Variants in PRKCZ observed in about 807,000 individuals in gnomAD.
PRKCZ encodes protein kinase C zeta type.
PRKCZ carries 33 observed loss-of-function variants against 79.5 expected under a neutral mutation model. That is an observed-to-expected ratio of 0.41 (90% CI 0.31 to 0.55). The LOEUF is 0.55. Ranked by LOEUF, PRKCZ falls within the 20% of genes least tolerant of loss-of-function variation. PRKCZ has a pLI of 0.19. For synonymous variants in PRKCZ, 342 were observed against 320.9 expected (o/e 1.07, Z -0.70); for missense variants, 578 against 813.5 (o/e 0.71, Z 3.52).
In PRKCZ at chr1:2,096,833, A is replaced by G. The variant is rs138538758; in HGVS notation, c.334+37242A>G. ...GCTCATCCAGACCTCGCTCTGCAAC[A>G]AATCTCCAGCCTGGGTTGCCATGAG... On this transcript the variant is annotated intron_variant, in intron 4 of 17. Transcript: ENST00000378567. Among the ~76,000 whole-genome samples the G allele has an allele frequency of 8.9e-3, 1,354 of 152,300 alleles. 22 individuals carry two copies. The highest frequency in any genetic ancestry group is 0.031 in the African/African-American group (1,276 of 41,570).
chr1:2,138,444 A>G (rs1384631340), intron 5 of PRKCZ, among the ~76,000 whole-genome samples: 1 of 152,172 alleles, frequency 6.6e-6, no homozygotes, highest in Non-Finnish European at 1.5e-5. Flanking sequence ...GTGGCAGGGA[A>G]GCCCACTCAG....
At chr1:2,129,062 C>G (rs1006547752) in intron 4 of PRKCZ, among the ~76,000 whole-genome samples, 1 of 152,158 alleles carries the variant, frequency 6.6e-6, no homozygotes, top group African/African-American at 2.4e-5. Flanking sequence ...TGGGGACCGC[C>G]AGGTCCCCCC....
At chr1:2,120,710 C>T (rs532001325) in intron 4 of PRKCZ, among the ~76,000 whole-genome samples, 14 of 152,190 alleles carry the variant, frequency 9.2e-5, no homozygotes, top group East Asian at 1.9e-4. Context: ...GGTTTTTTCC[C>T]GCTTTGTGCT....
chr1:2,179,354 C>T (rs978562414), intron 16 of PRKCZ, among the ~76,000 whole-genome samples: 17 of 152,206 alleles, frequency 1.1e-4, no homozygotes, highest in Non-Finnish European at 1.9e-4. Context: ...CACGTCCTGG[C>T]CTGGTGGCTG....
intron 4 of PRKCZ, among the ~76,000 whole-genome samples, chr1:2,120,586 G>A (rs1018290842): frequency 5.3e-5 from 8 of 150,962 alleles, no homozygotes; most frequent in African/African-American, 2.0e-4. Flanking sequence ...GTGAGCCACC[G>A]TGCCCGGCCA....
intron 4 of PRKCZ, among the ~76,000 whole-genome samples, chr1:2,067,843 T>A (rs1409865176): frequency 6.6e-6 from 1 of 152,254 alleles, no homozygotes; most frequent in Non-Finnish European, 1.5e-5. Flanking sequence ...AATCTGTTAA[T>A]ATTTTTCCTT....
chr1:2,053,526 C>T (rs1011553276), intron 1 of PRKCZ, among the ~76,000 whole-genome samples: 2 of 152,174 alleles, frequency 1.3e-5, no homozygotes, highest in African/African-American at 4.8e-5. Context: ...GAGTCCTGGA[C>T]GCCCCTGCTG....
At chr1:2,129,603 AGCAG>A (rs755184780) in intron 4 of PRKCZ, among the ~76,000 whole-genome samples, 7 of 152,176 alleles carry the variant, frequency 4.6e-5, no homozygotes, top group Non-Finnish European at 8.8e-5. Flanking sequence ...GTAACAGTGT[AGCAG>A]GCGGGTGGAA....
At chr1:2,114,697 C>A (rs995068213) in intron 4 of PRKCZ, among the ~76,000 whole-genome samples, 3 of 152,064 alleles carry the variant, frequency 2.0e-5, no homozygotes, top group Non-Finnish European at 2.9e-5. Context: ...TCGCTTGAAC[C>A]CGGGAGGTGG....
chr1:2,076,570 C>T lies in PRKCZ; in HGVS notation c.334+16979C>T, dbSNP rs370801556. Among the ~76,000 whole-genome samples, 7 of 152,068 alleles carry T rather than the reference C, an allele frequency of 4.6e-5. No individual in the cohort carries two copies. The East Asian group carries it at 5.8e-4, about 13-fold the overall frequency. ...CAGCCTGGCCAACATGGAGAAACCCCGGCTCTACTAAAAATACAAAAATTA... is the reference window on the plus strand; with the variant it reads ...CAGCCTGGCCAACATGGAGAAACCCTGGCTCTACTAAAAATACAAAAATTA... On this transcript the variant is annotated intron_variant, in intron 4 of 17. Transcript: ENST00000378567.
intron 4 of PRKCZ, among the ~76,000 whole-genome samples, chr1:2,079,913 A>G (rs556310849): frequency 6.6e-6 from 1 of 152,102 alleles, no homozygotes; most frequent in Non-Finnish European, 1.5e-5. Context: ...TCTCACCCCT[A>G]GTAAGGAGTC....
intron 5 of PRKCZ, chr1:2,141,781 T>A (rs1677373570): frequency 1.1e-5 from 2 of 185,266 alleles, no homozygotes; most frequent in South Asian, 1.5e-4. Context: ...CAAAAGAACT[T>A]GACTTTTAAA....
At chr1:2,181,777 A>G (rs1686661947) in intron 16 of PRKCZ, 1 of 454,430 alleles carries the variant, frequency 2.2e-6, no homozygotes, top group African/African-American at 2.0e-5. Context: ...GCAGCACAGG[A>G]CTAAGGTAGG....
At chr1:2,059,612 C>T (rs374266709) in intron 4 of PRKCZ, 21 bp downstream of exon 4, 81 of 1,613,556 alleles carry the variant, frequency 5.0e-5, no homozygotes, top group South Asian at 1.8e-4. Context: ...GGGTTTCCTA[C>T]GCCGGTCTCG....
chr1:2,184,855 G>T, intron 17 of PRKCZ, 67 bp from the exon 18 acceptor site: 1 of 1,467,294 alleles, frequency 6.8e-7, no homozygotes. Flanking sequence ...ATGCGAACGT[G>T]ACTCCGCTTC....
At chr1:2,109,006 C>T (rs193239038) in intron 4 of PRKCZ, among the ~76,000 whole-genome samples, 452 of 152,304 alleles carry the variant, frequency 3.0e-3, no homozygotes, top group Non-Finnish European at 5.1e-3. Context: ...CCTCTGCCTC[C>T]GTCTCACGTC....
chr1:2,155,663 TGGTGGGTGGA>T (rs1454673445), intron 9 of PRKCZ, among the ~76,000 whole-genome samples: 1 of 144,940 alleles, frequency 6.9e-6, no homozygotes, highest in African/African-American at 2.6e-5. Context: ...ACAATGATGG[TGGTGGGTGGA>T]GGTGGGAGGG....
chr1:2,089,705 G>A lies in PRKCZ; in HGVS notation c.334+30114G>A, dbSNP rs765051687. Among the ~76,000 whole-genome samples the A allele has an allele frequency of 1.2e-4, 19 of 152,064 alleles. No individual in the cohort carries two copies. The East Asian group carries it at 2.7e-3, about 22-fold the overall frequency. On this transcript the variant is annotated intron_variant, in intron 4 of 17. Coordinates refer to ENST00000378567, the MANE Select transcript of PRKCZ (RefSeq NM_002744.6). ...GGTGAGGATTTCAGCGTGTGAATTC[G>A]GTGGGACGTAAACACTCAGGTCACA...
intron 4 of PRKCZ, among the ~76,000 whole-genome samples, chr1:2,069,003 C>T (rs967003664): frequency 7.2e-5 from 11 of 152,316 alleles, no homozygotes; most frequent in Admixed American, 4.6e-4. Flanking sequence ...TGGCCCAGTT[C>T]CCGCCAGTCA....
Sources: gnomAD v4.1 joint callset for allele counts (sites outside exome capture counted in the v4.1 genomes callset) on GRCh38, gnomAD v4.1.1 for gene constraint, MANE v1.5 for transcripts, NCBI Gene and HGNC (gene_info 2026-07-23, HGNC 2026-07-21) for gene names.